Variants in CCDC148 observed in about 807,000 individuals in gnomAD.
CCDC148 encodes the protein coiled-coil domain-containing protein 148.
Under a neutral mutation model 85.7 loss-of-function variants are expected in CCDC148, and 89 were observed. The observed-to-expected ratio is 1.04, with a 90% CI of 0.87 to 1.24. The LOEUF (loss-of-function observed/expected upper bound fraction) is 1.24. Ranked by LOEUF, CCDC148 falls within the 50% of genes most tolerant of loss-of-function variation. CCDC148 has a pLI of 0.00. For synonymous variants in CCDC148, 230 were observed against 213.9 expected (o/e 1.08, Z -0.66); for missense variants, 692 against 671.7 (o/e 1.03, Z -0.33).
chr2:158,217,464 A>G (rs1686945100), intron 11 of CCDC148, among the ~76,000 whole-genome samples: 1 of 150,804 alleles, frequency 6.6e-6, no homozygotes, highest in South Asian at 2.1e-4. Flanking sequence ...GTGCGGTAGC[A>G]CGATCTCAGC....
chr2:158,345,415 T>A, intron 2 of CCDC148, 97 bp from the exon 3 acceptor site: 1 of 777,268 alleles, frequency 1.3e-6, no homozygotes, highest in Non-Finnish European at 2.0e-6. Context: ...AGTTAAATAG[T>A]TTCTCTTTTA....
intron 1 of CCDC148, among the ~76,000 whole-genome samples, chr2:158,412,549 G>A (rs1270209067): frequency 6.6e-6 from 1 of 152,092 alleles, no homozygotes; most frequent in East Asian, 1.9e-4. Context: ...GAGAGGCATA[G>A]GAATTTTTTG....
In CCDC148 at chr2:158,334,826, G is replaced by T. The variant is rs1693336042; in HGVS notation, c.764+3900C>A. 3.3e-5 allele frequency among the ~76,000 whole-genome samples: 5 copies of T among 151,870 alleles called. No homozygotes were observed. The South Asian group carries it at 1.0e-3, about 32-fold the overall frequency. ...TTAAAAAATATATATATTTATATTT[G>T]GCTGCGCAAGTCCCATCCCTCCACC... On this transcript the variant is annotated intron_variant, in intron 7 of 13. Coordinates refer to ENST00000283233, the MANE Select transcript of CCDC148 (RefSeq NM_138803.4).
At chr2:158,371,009 A>T (rs1684414714) in intron 1 of CCDC148, among the ~76,000 whole-genome samples, 2 of 151,962 alleles carry the variant, frequency 1.3e-5, no homozygotes, top group African/African-American at 2.4e-5. Flanking sequence ...TTTATGATTG[A>T]GCATAATTTC....
chr2:158,249,974 T>C (rs987157076), intron 10 of CCDC148, among the ~76,000 whole-genome samples: 1 of 152,234 alleles, frequency 6.6e-6, no homozygotes, highest in South Asian at 2.1e-4. Context: ...CCTTTTACTC[T>C]GCTGATCACA....
chr2:158,271,380 T>C (rs1187493133), intron 9 of CCDC148, among the ~76,000 whole-genome samples: 1 of 152,202 alleles, frequency 6.6e-6, no homozygotes, highest in South Asian at 2.1e-4. Flanking sequence ...AAATAAAACA[T>C]TCATAAATTT....
chr2:158,425,328 G>A (rs1266729213), intron 1 of CCDC148: 7 of 516,332 alleles, frequency 1.4e-5, no homozygotes, highest in African/African-American at 1.2e-4. Context: ...GGAGAAAACA[G>A]GAGATGATGC....
chr2:158,386,963 T>G (rs544708590), intron 1 of CCDC148, among the ~76,000 whole-genome samples: 1 of 152,288 alleles, frequency 6.6e-6, no homozygotes, highest in South Asian at 2.1e-4. Flanking sequence ...CATGGTTACA[T>G]TCCAGCCACA....
At chr2:158,292,006 T>A (rs1690917015) in intron 9 of CCDC148, among the ~76,000 whole-genome samples, 1 of 152,194 alleles carries the variant, frequency 6.6e-6, no homozygotes, top group East Asian at 1.9e-4. Context: ...ATTTAACATG[T>A]CTTTTATGGT....
intron 11 of CCDC148, among the ~76,000 whole-genome samples, chr2:158,211,742 C>A (rs545743824): frequency 6.6e-6 from 1 of 152,162 alleles, no homozygotes; most frequent in Non-Finnish European, 1.5e-5. Flanking sequence ...AATCATCATC[C>A]AAGACCTCTT....
intron 1 of CCDC148, among the ~76,000 whole-genome samples, chr2:158,395,708 G>T (rs1246264673): frequency 6.6e-6 from 1 of 152,092 alleles, no homozygotes; most frequent in Non-Finnish European, 1.5e-5. Flanking sequence ...TGAGCAGGAA[G>T]ACAAAGGGCT....
intron 11 of CCDC148, among the ~76,000 whole-genome samples, chr2:158,180,381 G>C (rs1241888937): frequency 6.6e-6 from 1 of 152,106 alleles, no homozygotes; most frequent in African/African-American, 2.4e-5. Flanking sequence ...ATAGACATGT[G>C]ATCTTAAGAG....
intron 11 of CCDC148, among the ~76,000 whole-genome samples, chr2:158,219,576 C>T (rs1296912100): frequency 6.6e-6 from 1 of 152,196 alleles, no homozygotes; most frequent in Admixed American, 6.5e-5. Flanking sequence ...GCTGTGTCCA[C>T]AGAGTTCCAA....
intron 1 of CCDC148, among the ~76,000 whole-genome samples, chr2:158,377,574 G>A (rs1199592711): frequency 1.3e-5 from 2 of 151,920 alleles, no homozygotes; most frequent in African/African-American, 4.8e-5. Flanking sequence ...GGGTATCTAG[G>A]GGGCTATCTG....
At chr2:158,327,827 T>A (rs1252956888) in intron 7 of CCDC148, among the ~76,000 whole-genome samples, 3 of 152,148 alleles carry the variant, frequency 2.0e-5, no homozygotes, top group African/African-American at 7.2e-5. Flanking sequence ...ACATTTGAAA[T>A]TTTTTTCCTA....
intron 1 of CCDC148, among the ~76,000 whole-genome samples, chr2:158,403,618 C>CTA (rs1247230393): frequency 6.6e-6 from 1 of 151,910 alleles, no homozygotes; most frequent in Admixed American, 6.6e-5. Flanking sequence ...TCAAACTAAA[C>CTA]AATTAAATTG....
chr2:158,449,727 G>C (rs1262106260), intron 1 of CCDC148, among the ~76,000 whole-genome samples: 1 of 152,206 alleles, frequency 6.6e-6, no homozygotes, highest in African/African-American at 2.4e-5. Context: ...GGGATTATAG[G>C]CATGAGCCAC....
intron 1 of CCDC148, among the ~76,000 whole-genome samples, chr2:158,410,858 G>T (rs1686227750): frequency 6.6e-6 from 1 of 152,046 alleles, no homozygotes; most frequent in East Asian, 1.9e-4. Flanking sequence ...TGAAATTGAA[G>T]AACTCCCTTA....
At chr2:158,356,176 A>T (rs1331645592) in intron 2 of CCDC148, among the ~76,000 whole-genome samples, 2 of 127,666 alleles carry the variant, frequency 1.6e-5, no homozygotes, top group Non-Finnish European at 3.1e-5. Context: ...ATGGGCAAGG[A>T]CTTCATGTCT....
Sources: allele counts gnomAD v4.1 joint callset (sites outside exome capture counted in the v4.1 genomes callset), GRCh38; gene constraint gnomAD v4.1.1; transcripts MANE v1.5; gene names NCBI Gene and HGNC (gene_info 2026-07-23, HGNC 2026-07-21).